The following ADAMTS17 variants were observed in gnomAD, a reference collection of about 807,000 sequenced individuals.
The protein encoded by ADAMTS17 is ADAM metallopeptidase with thrombospondin type 1 motif 17, also known as A disintegrin and metalloproteinase with thrombospondin motifs 17.
ADAMTS17 carries 113 observed loss-of-function variants against 141.5 expected under a neutral mutation model. The observed-to-expected ratio is 0.80, with a 90% confidence interval of 0.69 to 0.93. ADAMTS17 has a LOEUF of 0.93. Among genes scored for constraint, ADAMTS17 ranks in the 40% least tolerant of loss-of-function variants. The probability of loss-of-function intolerance (pLI) is 0.00; values close to 1 mark genes in which losing one functional copy is unlikely to be tolerated. For synonymous variants in ADAMTS17, 768 were observed against 630.6 expected, an observed-to-expected ratio of 1.22 and a Z score of -3.27; for missense variants, 1,659 against 1,517.9, an observed-to-expected ratio of 1.09 and a Z score of -1.54.
At chr15:99,976,395 T>C (rs1049349611) in intron 20 of ADAMTS17, 173 bp from the exon 21 acceptor site, 2 of 853,024 alleles carry the variant, frequency 2.3e-6, no homozygotes, top group Non-Finnish European at 3.8e-6. Context: ...ACAGCCTGAG[T>C]GGGGCCTACA....
chr15:100,084,853 C>G (rs1402228337), intron 15 of ADAMTS17, among the ~76,000 whole-genome samples: 1 of 152,200 alleles, frequency 6.6e-6, no homozygotes, highest in Non-Finnish European at 1.5e-5. Flanking sequence ...ACATCACCAT[C>G]ATCAAAGACC....
intron 4 of ADAMTS17, among the ~76,000 whole-genome samples, chr15:100,280,240 A>AC (rs1237685850): frequency 6.6e-6 from 1 of 151,882 alleles, no homozygotes; most frequent in Non-Finnish European, 1.5e-5. Flanking sequence ...TGGCTCCACC[A>AC]CCCACCCAGA....
In ADAMTS17 at chr15:100,041,502, C is replaced by G. The variant is rs562768160; in HGVS notation, c.2591+7355G>C. On this transcript the variant is annotated intron_variant, in intron 18 of 21. Transcript: ENST00000268070. ...CCACCTGAGGCTGGGTCTCAAGGGT[C>G]TCGTCACACAGTACTGCTCTTTGGA... Among the ~76,000 whole-genome samples, 7 of 152,332 alleles carry G rather than the reference C, an allele frequency of 4.6e-5. No individual in the cohort carries two copies. In the South Asian group the frequency reaches 1.5e-3, roughly 32 times the overall value.
At chr15:100,241,059 T>G (rs1200150926) in intron 7 of ADAMTS17, among the ~76,000 whole-genome samples, 1 of 152,162 alleles carries the variant, frequency 6.6e-6, no homozygotes, top group Non-Finnish European at 1.5e-5. Context: ...CTCCTGACCT[T>G]GTGATCCATC....
intron 8 of ADAMTS17, among the ~76,000 whole-genome samples, chr15:100,165,858 G>A (rs537887388): frequency 1.3e-5 from 2 of 152,286 alleles, no homozygotes; most frequent in East Asian, 3.9e-4. Flanking sequence ...GGGAGTAGAA[G>A]CAATGAACCA....
intron 8 of ADAMTS17, among the ~76,000 whole-genome samples, chr15:100,171,884 T>C (rs1033013541): frequency 1.3e-5 from 2 of 152,222 alleles, no homozygotes; most frequent in Admixed American, 6.5e-5. Context: ...CGTGGAACTA[T>C]GGCCTCTCTG....
rs569043536 is a variant in ADAMTS17, at chr15:100,039,437, G to T, written c.2591+9420C>A. ...CACATTCCCTAAGTTCTGTTATATT[G>T]TGCCTTCACCTCGATTCATCTCAAA... On this transcript the variant is annotated intron_variant, in intron 18 of 21. Coordinates refer to ENST00000268070, the MANE Select transcript of ADAMTS17 (RefSeq NM_139057.4). Among the ~76,000 whole-genome samples, 7 of 152,048 alleles carry T rather than the reference G, an allele frequency of 4.6e-5. No individual in the cohort carries two copies. In the East Asian group the frequency reaches 1.4e-3, roughly 29 times the overall value.
chr15:100,121,222 G>T (rs548398499), intron 12 of ADAMTS17, among the ~76,000 whole-genome samples: 1 of 152,198 alleles, frequency 6.6e-6, no homozygotes, highest in South Asian at 2.1e-4. Context: ...GGACACCATC[G>T]AGTGGATCAA....
intron 18 of ADAMTS17, among the ~76,000 whole-genome samples, chr15:100,026,496 G>T (rs1285164571): frequency 1.3e-5 from 2 of 152,264 alleles, no homozygotes; most frequent in East Asian, 3.9e-4. Flanking sequence ...TTCCAGGAAG[G>T]CCTCCGAGAT....
intron 14 of ADAMTS17, among the ~76,000 whole-genome samples, chr15:100,100,052 T>TGTAAC (rs1447651010): frequency 6.6e-6 from 1 of 152,106 alleles, no homozygotes; most frequent in East Asian, 1.9e-4. Flanking sequence ...GTCCGCTGTG[T>TGTAAC]GTAACGCCCA....
chr15:100,152,955 A>C, intron 9 of ADAMTS17, among the ~76,000 whole-genome samples, 193 bp from the exon 10 acceptor site: 1 of 151,360 alleles, frequency 6.6e-6, no homozygotes, highest in Admixed American at 6.6e-5. Context: ...TACATGGCCA[A>C]ATGTGAATCT....
In ADAMTS17 at chr15:100,096,429, T is replaced by C. The variant is rs754036925; in HGVS notation, c.2064A>G (p.Arg688=). 6.2e-7 allele frequency: 1 copy of C among 1,614,204 alleles called. No individual in the cohort carries two copies. The highest frequency in any genetic ancestry group is 1.1e-5 in the South Asian group (1 of 91,090). The part of the protein sequence containing the change: ...GIIGSAAKED[R]CGVCSGDGKT... Reference sequence around the variant, plus strand: ...TGCCGTCCCCGCTGCAGACCCCGCATCTGTCCTCTTTGGCTGCAGACCCGA... The same window carrying C: ...TGCCGTCCCCGCTGCAGACCCCGCACCTGTCCTCTTTGGCTGCAGACCCGA... The change falls in exon 15 of 22, where the codon AGA becomes AGG. Residue 688 remains arginine (R), a synonymous_variant. Transcript: ENST00000268070.
At chr15:100,092,639 A>G (rs979422512) in intron 15 of ADAMTS17, among the ~76,000 whole-genome samples, 30 of 152,196 alleles carry the variant, frequency 2.0e-4, no homozygotes, top group African/African-American at 6.0e-4. Context: ...CACACTACAC[A>G]GAGCATGGAA....
intron 3 of ADAMTS17, among the ~76,000 whole-genome samples, chr15:100,296,605 ATGTG>A (rs764662958): frequency 2.9e-5 from 4 of 139,916 alleles, no homozygotes; most frequent in Non-Finnish European, 4.6e-5. Flanking sequence ...GTGTGTGTGT[ATGTG>A]TGTGTGTGCG....
chr15:100,281,275 T>A lies in ADAMTS17; in HGVS notation c.743A>T (p.His248Leu). ...VVADADMVQY[H>L]GAEAAQRFIL... ...GAACCTCTGGGCGGCCTCGGCCCCG[T>A]GGTACTGCACCATGTCGGCGTCGGC... Residue 248 changes from histidine (H) to leucine (L), a missense_variant, in exon 4 of 22, where the codon CAC becomes CTC. Transcript: ENST00000268070. The A allele has an allele frequency of 6.2e-7, 1 of 1,608,268 alleles. No individual in the cohort carries two copies. The highest frequency in any genetic ancestry group is 1.1e-5 in the South Asian group (1 of 91,070).
chr15:100,206,312 G>T (rs1307459338), intron 7 of ADAMTS17, among the ~76,000 whole-genome samples: 1 of 152,212 alleles, frequency 6.6e-6, no homozygotes, highest in African/African-American at 2.4e-5. Context: ...CTGTGTGCAG[G>T]CTCCTGTGTG....
chr15:100,221,673 T>C, intron 7 of ADAMTS17, among the ~76,000 whole-genome samples: 1 of 152,186 alleles, frequency 6.6e-6, no homozygotes. Context: ...TCCCACGTCA[T>C]TCTCATGGGT....
chr15:100,179,441 C>T (rs2040449317), intron 8 of ADAMTS17, among the ~76,000 whole-genome samples: 2 of 152,186 alleles, frequency 1.3e-5, no homozygotes, highest in African/African-American at 4.8e-5. Flanking sequence ...TAATCCATTC[C>T]TCTGTTGATG....
At chr15:100,302,042 C>T (rs1279132946) in intron 3 of ADAMTS17, among the ~76,000 whole-genome samples, 1 of 152,124 alleles carries the variant, frequency 6.6e-6, no homozygotes, top group East Asian at 1.9e-4. Flanking sequence ...AAATAGAAAC[C>T]CCATAACCCC....
Sources: allele counts gnomAD v4.1 joint callset (sites outside exome capture counted in the v4.1 genomes callset), GRCh38; gene constraint gnomAD v4.1.1; transcripts MANE v1.5; gene names NCBI Gene and HGNC (gene_info 2026-07-23, HGNC 2026-07-21).